Variants in TRMT9B observed in about 807,000 individuals in gnomAD.
TRMT9B encodes tRNA methyltransferase 9B (putative), also known as probable tRNA methyltransferase 9B.
In TRMT9B, 16 loss-of-function variants were observed where a neutral mutation model predicts 11.5. The observed-to-expected ratio is 1.39, with a 90% confidence interval of 0.94 to 2.11. The LOEUF is 2.11. TRMT9B is among the 30% of genes most tolerant of loss of function. The pLI is 0.00. For synonymous variants in TRMT9B, 274 were observed against 192.4 expected (o/e 1.42, Z -3.51); for missense variants, 941 against 553.8 (o/e 1.70, Z -7.02).
chr8:12,949,648 C>G lies in TRMT9B; in HGVS notation c.-200+3682C>G, dbSNP rs532637595. Among the ~76,000 whole-genome samples the G allele has an allele frequency of 3.9e-5, 6 of 152,246 alleles. No homozygotes were observed. The South Asian group carries it at 6.2e-4, about 16-fold the overall frequency. ...CATAGTTCACAAGTCTCTAGGGATT[C>G]TACATGTCTGCTTCAAGCCGTCAGT... On this transcript the variant is annotated intron_variant, in intron 1 of 4. Coordinates refer to ENST00000524591, the MANE Select transcript of TRMT9B (RefSeq NM_020844.3).
chr8:12,951,108 G>T (rs759420973), intron 1 of TRMT9B, among the ~76,000 whole-genome samples: 38 of 152,166 alleles, frequency 2.5e-4, no homozygotes, highest in Non-Finnish European at 5.1e-4. Context: ...GGGGAGGAAA[G>T]GTTTGTGTCC....
chr8:12,990,782 C>T lies in TRMT9B; in HGVS notation c.-199-52C>T, dbSNP rs180951877. 2.1e-4 allele frequency: 245 copies of T among 1,190,164 alleles called. 2 individuals carry two copies. The highest frequency in any genetic ancestry group is 3.3e-5 in the Non-Finnish European group (30 of 902,896). 73.7% of individuals were successfully genotyped at this position (1,190,164 alleles called of 1,614,324 possible). A position where few individuals can be genotyped will look rare whatever the true frequency, so the allele number is the denominator to read the frequency against. On this transcript the variant is annotated intron_variant, in intron 1 of 4. Transcript: ENST00000524591. ...AAGTCAGCCTGGGCTGTAGCTGGCT[C>T]CATATACATACCATGTGAAATGACA...
intron 1 of TRMT9B, among the ~76,000 whole-genome samples, chr8:12,981,410 A>T (rs1336186111): frequency 6.6e-6 from 1 of 152,164 alleles, no homozygotes; most frequent in East Asian, 1.9e-4. Context: ...CGACATGCTC[A>T]GGTATTTGGA....
intron 1 of TRMT9B, among the ~76,000 whole-genome samples, chr8:12,976,604 T>A (rs546004342): frequency 2.0e-5 from 3 of 151,842 alleles, no homozygotes; most frequent in African/African-American, 7.3e-5. Context: ...AAAAATAAAA[T>A]AAAAATAACA....
intron 1 of TRMT9B, among the ~76,000 whole-genome samples, chr8:12,955,763 T>C (rs945214823): frequency 6.6e-6 from 1 of 152,192 alleles, no homozygotes; most frequent in Non-Finnish European, 1.5e-5. Flanking sequence ...GAGAATTAGA[T>C]GCTCACAGGA....
At chr8:13,018,770 C>G (rs1349186170) in intron 4 of TRMT9B, among the ~76,000 whole-genome samples, 1 of 152,172 alleles carries the variant, frequency 6.6e-6, no homozygotes, top group Non-Finnish European at 1.5e-5. Context: ...AGCACTGCAA[C>G]TCATGCCTGA....
At chr8:12,951,901 C>A (rs1471574337) in intron 1 of TRMT9B, 1 of 152,358 alleles carries the variant, frequency 6.6e-6, no homozygotes, top group Non-Finnish European at 1.5e-5. Context: ...AGGCGCCGGA[C>A]GCCGGGGGGC....
intron 2 of TRMT9B, among the ~76,000 whole-genome samples, chr8:12,999,209 G>T (rs1167400063): frequency 6.7e-6 from 1 of 148,792 alleles, no homozygotes; most frequent in East Asian, 2.0e-4. Flanking sequence ...TGAGGCAGGA[G>T]AATCGCTTGA....
chr8:12,970,897 T>C (rs564474186), intron 1 of TRMT9B, among the ~76,000 whole-genome samples: 2 of 152,314 alleles, frequency 1.3e-5, no homozygotes, highest in South Asian at 4.1e-4. Context: ...CTGTTGTGAT[T>C]TGGGGGATGT....
At chr8:13,005,807 T>G (rs1810357379) in intron 2 of TRMT9B, among the ~76,000 whole-genome samples, 1 of 152,172 alleles carries the variant, frequency 6.6e-6, no homozygotes, top group Non-Finnish European at 1.5e-5. Context: ...GCTTTGCTAT[T>G]GGGTTGAAAT....
At chr8:12,983,455 A>G (rs1000108633) in intron 1 of TRMT9B, among the ~76,000 whole-genome samples, 1 of 152,142 alleles carries the variant, frequency 6.6e-6, no homozygotes, top group Non-Finnish European at 1.5e-5. Context: ...AGATTACCTG[A>G]GGTCAGGAGT....
chr8:12,982,694 AGTTT>A (rs1563356486), intron 1 of TRMT9B, among the ~76,000 whole-genome samples: 1 of 152,036 alleles, frequency 6.6e-6, no homozygotes, highest in African/African-American at 2.4e-5. Flanking sequence ...GAGTTTATTT[AGTTT>A]ATTTTTTTAG....
At chr8:12,971,594 T>C (rs1803637488) in intron 1 of TRMT9B, among the ~76,000 whole-genome samples, 1 of 152,202 alleles carries the variant, frequency 6.6e-6, no homozygotes, top group Non-Finnish European at 1.5e-5. Flanking sequence ...TGAATGACTA[T>C]CTTGTGGATA....
chr8:12,995,792 C>A (rs983935996), intron 2 of TRMT9B, among the ~76,000 whole-genome samples: 2 of 152,206 alleles, frequency 1.3e-5, no homozygotes, highest in Middle Eastern at 6.8e-3. Context: ...GGTTCTAAGG[C>A]TTTTAAATAT....
chr8:12,950,537 T>TTTTCTTTCTTTC (rs59371113), intron 1 of TRMT9B, among the ~76,000 whole-genome samples: 19,549 of 149,426 alleles, frequency 0.13, 1,699 homozygotes, highest in Middle Eastern at 0.2. Context: ...ACTCGTGGTT[T>TTTTCTTTCTTTC]TTTCTTTCTT....
chr8:12,980,816 G>A (rs1805246601), intron 1 of TRMT9B, among the ~76,000 whole-genome samples: 5 of 152,152 alleles, frequency 3.3e-5, no homozygotes, highest in African/African-American at 9.7e-5. Context: ...AAAGCATGAA[G>A]GTATCAAATG....
chr8:12,962,757 C>T (rs1222346335), intron 1 of TRMT9B, among the ~76,000 whole-genome samples: 1 of 152,164 alleles, frequency 6.6e-6, no homozygotes, highest in Admixed American at 6.5e-5. Flanking sequence ...TCCCAAAGTA[C>T]TGAGATTATA....
chr8:12,986,299 A>T (rs1401972727), intron 1 of TRMT9B, among the ~76,000 whole-genome samples: 1 of 152,124 alleles, frequency 6.6e-6, no homozygotes, highest in Non-Finnish European at 1.5e-5. Context: ...GAACCACTGT[A>T]CTGTCTTCCC....
At chr8:12,959,187 C>A (rs890646781) in intron 1 of TRMT9B, among the ~76,000 whole-genome samples, 3 of 152,156 alleles carry the variant, frequency 2.0e-5, no homozygotes, top group Admixed American at 2.0e-4. Context: ...GGTCTAACAA[C>A]TACACCTTGG....
Sources: allele counts gnomAD v4.1 joint callset (sites outside exome capture counted in the v4.1 genomes callset), GRCh38; gene constraint gnomAD v4.1.1; transcripts MANE v1.5; gene names NCBI Gene and HGNC (gene_info 2026-07-23, HGNC 2026-07-21).